Variants in MYOCD observed in about 807,000 individuals in gnomAD.
MYOCD encodes the protein myocardin.
MYOCD carries 32 observed loss-of-function variants against 96.1 expected under a neutral mutation model. The ratio of observed to expected loss-of-function variants is 0.33; its 90% CI spans 0.25 to 0.45. The LOEUF is 0.45. MYOCD is among the 20% of genes least tolerant of loss of function. The pLI is 1.00. For synonymous variants in MYOCD, 469 were observed against 469.0 expected (o/e 1.00, Z 0.00); for missense variants, 1,133 against 1,200.6 (o/e 0.94, Z 0.83).
At chr17:12,718,181 A>C (rs1176423211) in intron 4 of MYOCD, among the ~76,000 whole-genome samples, 2 of 152,216 alleles carry the variant, frequency 1.3e-5, no homozygotes, top group African/African-American at 4.8e-5. Flanking sequence ...ACGATGAATA[A>C]GACACAGGTT....
chr17:12,758,306 C>T, intron 12 of MYOCD, 93 bp downstream of exon 12: 1 of 1,575,466 alleles, frequency 6.3e-7, no homozygotes, highest in Non-Finnish European at 8.6e-7. Flanking sequence ...TTTGTAAATT[C>T]TGATATTGAG....
At chr17:12,762,940 A>C in intron 13 of MYOCD, 133 bp from the exon 14 acceptor site, 1 of 691,930 alleles carries the variant, frequency 1.4e-6, no homozygotes, top group Non-Finnish European at 2.4e-6. Context: ...AGAGCAGCTT[A>C]GAGATGAGAC....
chr17:12,734,503 C>CTTT (rs2032279645), intron 5 of MYOCD, among the ~76,000 whole-genome samples: 3 of 72,008 alleles, frequency 4.2e-5, no homozygotes, highest in Non-Finnish European at 8.8e-5. Flanking sequence ...TACACATGAT[C>CTTT]CTTTTTTTTT....
intron 9 of MYOCD, among the ~76,000 whole-genome samples, 192 bp downstream of exon 9, chr17:12,746,264 GCC>G (rs1214395605): frequency 3.9e-5 from 6 of 152,144 alleles, no homozygotes; most frequent in African/African-American, 1.2e-4. Flanking sequence ...ATTTTATGCA[GCC>G]GTAACAGGAT....
At chr17:12,757,826 AT>A (rs2033055569) in intron 11 of MYOCD, among the ~76,000 whole-genome samples, 1 of 151,982 alleles carries the variant, frequency 6.6e-6, no homozygotes, top group Non-Finnish European at 1.5e-5. Flanking sequence ...ACTGTTACTT[AT>A]TTTCCCCTAA....
intron 2 of MYOCD, among the ~76,000 whole-genome samples, chr17:12,711,511 T>G (rs1004604979): frequency 6.6e-6 from 1 of 152,192 alleles, no homozygotes; most frequent in African/African-American, 2.4e-5. Flanking sequence ...ATAGTTAATT[T>G]TATGTTTTTG....
chr17:12,680,719 T>C (rs1343051956), intron 1 of MYOCD, among the ~76,000 whole-genome samples: 2 of 152,230 alleles, frequency 1.3e-5, no homozygotes, highest in African/African-American at 4.8e-5. Flanking sequence ...ATTTGTCTTC[T>C]GAAATTATTG....
At chr17:12,694,537 C>T (rs1293874207) in intron 1 of MYOCD, among the ~76,000 whole-genome samples, 1 of 152,118 alleles carries the variant, frequency 6.6e-6, no homozygotes, top group Non-Finnish European at 1.5e-5. Context: ...TAGAGTTAGA[C>T]CCTGACCCAG....
intron 1 of MYOCD, among the ~76,000 whole-genome samples, chr17:12,690,983 A>G (rs914095466): frequency 7.9e-5 from 12 of 152,190 alleles, no homozygotes; most frequent in Admixed American, 1.3e-4. Flanking sequence ...ATATTCTTAA[A>G]TTTAACTCCC....
At chr17:12,677,896 G>GT (rs541655363) in intron 1 of MYOCD, among the ~76,000 whole-genome samples, 10,868 of 129,258 alleles carry the variant, frequency 0.084, 543 homozygotes, top group Middle Eastern at 0.17. Context: ...TTTCTTTTTT[G>GT]TTTTTTTTTT....
At chr17:12,750,425 A>C (rs1379612407) in intron 9 of MYOCD, among the ~76,000 whole-genome samples, 1 of 152,150 alleles carries the variant, frequency 6.6e-6, no homozygotes, top group Non-Finnish European at 1.5e-5. Context: ...GCTATGGCTC[A>C]CGCCTGTAAT....
intron 1 of MYOCD, among the ~76,000 whole-genome samples, chr17:12,694,881 CAAAAAAA>C (rs201215491): frequency 0.046 from 3,200 of 69,652 alleles, 133 homozygotes; most frequent in Admixed American, 0.2. Flanking sequence ...AAGGAATAAC[CAAAAAAA>C]AAAAAAAAAA....
At position 12,768,248 on chromosome 17, in the gene MYOCD, T is replaced by A. The variant is rs2033391147; in HGVS notation, c.*4604T>A. On this transcript the variant is annotated 3_prime_UTR_variant, in exon 14 of 14. Transcript: ENST00000425538. Reference sequence around the variant, plus strand: ...GTTGCGTTAAGGAGCTGGGTTTGATTCTAGAGTCCAGGTTTATAGAGAAAC... The same window carrying A: ...GTTGCGTTAAGGAGCTGGGTTTGATACTAGAGTCCAGGTTTATAGAGAAAC... 6.6e-6 allele frequency: 1 copy of A among 152,164 alleles called. No individual in the cohort carries two copies. Among genetic ancestry groups the A allele is most frequent in the Admixed American group, 6.5e-5 (1 of 15,270 alleles). The allele number at this position is 152,164 out of a possible 1,614,324, so 9.4% of individuals were successfully genotyped here.
In MYOCD at chr17:12,715,363, G is replaced by A. The variant is rs72811294; in HGVS notation, c.122-156G>A. On this transcript the variant is annotated intron_variant, in intron 2 of 13. Coordinates refer to ENST00000425538, the MANE Select transcript of MYOCD (RefSeq NM_001146312.3). ...GTCTCCTACGGCTTCAGGGCCGCTG[G>A]TGTCCTCCAGGCCTGTCCTCTCTCA... is the stretch of plus-strand genomic sequence containing the variant. Among the ~76,000 whole-genome samples, 5 of 152,058 alleles carry A rather than the reference G, an allele frequency of 3.3e-5. No homozygotes were observed. The South Asian group carries it at 8.3e-4, about 25-fold the overall frequency.
At chr17:12,722,459 A>G (rs1443657869) in intron 4 of MYOCD, among the ~76,000 whole-genome samples, 2 of 152,206 alleles carry the variant, frequency 1.3e-5, no homozygotes, top group African/African-American at 2.4e-5. Flanking sequence ...ACTAATTATA[A>G]CAACAGATAA....
rs1397236424 is a variant in MYOCD, at chr17:12,756,535, A to G, written c.2180A>G (p.Lys727Arg). The stretch of plus-strand genomic sequence containing the variant: ...GGTGCCGGGGGAAACCCTTGTCCCA[A>G]AAGCCCATGTGTACAGCAAAAGGTA... ...SHGAGGNPCPKSPCVQQKMAG... is the reference protein window; with the variant it reads ...SHGAGGNPCPRSPCVQQKMAG... Residue 727 changes from lysine to arginine, a missense_variant, in exon 11 of 14, where the codon AAA becomes AGA. Transcript: ENST00000425538. The G allele has an allele frequency of 8.4e-6, 13 of 1,551,496 alleles. No individual in the cohort carries two copies. Among genetic ancestry groups the G allele is most frequent in the Non-Finnish European group, 1.1e-5 (13 of 1,146,998 alleles).
At chr17:12,747,366 A>C (rs1237970897) in intron 9 of MYOCD, among the ~76,000 whole-genome samples, 1 of 81,772 alleles carries the variant, frequency 1.2e-5, no homozygotes, top group Non-Finnish European at 2.7e-5. Context: ...GACATCAATG[A>C]CAGAAGGAGA....
At position 12,763,061 on chromosome 17, in the gene MYOCD, T is replaced by C; in HGVS notation, c.2390-12T>C. ...AAGTGATTTAACAAGTCACATCGTG[T>C]ATTGCCCACAGAAATGCCAGCAGAC... is the stretch of plus-strand genomic sequence containing the variant. On this transcript the variant is annotated splice_polypyrimidine_tract_variant and intron_variant, in intron 13 of 13. Transcript: ENST00000425538. 1 of 1,596,286 alleles carries C rather than the reference T, an allele frequency of 6.3e-7. No individual in the cohort carries two copies. Among genetic ancestry groups the C allele is most frequent in the Non-Finnish European group, 8.5e-7 (1 of 1,172,068 alleles).
Position 12,758,106 on chromosome 17 carries a change from G to T in MYOCD, c.2224G>T (p.Asp742Tyr). Residue 742 changes from aspartate to tyrosine, a missense_variant, in exon 12 of 14, where the codon GAT (aspartate) becomes TAT (tyrosine). Asp to Tyr is a radical substitution (Grantham distance 160, BLOSUM62 -3). Coordinates refer to ENST00000425538, the MANE Select transcript of MYOCD (RefSeq NM_001146312.3). ...QQKMAGLHSS[D>Y]KVGPKFSIPS... The stretch of plus-strand genomic sequence containing the variant: ...GCAGATGGCTGGTTTACACTCTTCT[G>T]ATAAGGTGGGGCCAAAGTTTTCAAT... The T allele has an allele frequency of 6.2e-7, 1 of 1,614,012 alleles. No homozygotes were observed. Among genetic ancestry groups the T allele is most frequent in the East Asian group, 2.2e-5 (1 of 44,868 alleles).
Sources: gnomAD v4.1 joint callset for allele counts (sites outside exome capture counted in the v4.1 genomes callset) on GRCh38, gnomAD v4.1.1 for gene constraint, MANE v1.5 for transcripts, NCBI Gene and HGNC (gene_info 2026-07-23, HGNC 2026-07-21) for gene names.